Variants in LINGO2 observed in about 807,000 individuals in gnomAD.
The protein encoded by LINGO2 is leucine-rich repeat and immunoglobulin-like domain-containing nogo receptor-interacting protein 2.
A neutral mutation model predicts 30.6 loss-of-function variants in LINGO2; 14 were observed. The ratio of observed to expected loss-of-function variants is 0.46; its 90% CI spans 0.30 to 0.72. The LOEUF is 0.72. Among genes scored for constraint, LINGO2 ranks in the 30% least tolerant of loss-of-function variants. The probability of loss-of-function intolerance (pLI) is 0.07; values close to 1 mark genes in which losing one functional copy is unlikely to be tolerated. For synonymous variants in LINGO2, 317 were observed against 288.5 expected, an observed-to-expected ratio of 1.10 and a Z score of -1.00; for missense variants, 729 against 751.7, an observed-to-expected ratio of 0.97 and a Z score of 0.35.
At chr9:29,019,514 T>C in the LINGO2 span, among the ~76,000 whole-genome samples, 22,623 of 152,100 alleles carry the variant, frequency 0.15, 2,064 homozygotes, top group South Asian at 0.2. Flanking sequence ...TTACTTTCCC[T>C]TCTGGTCTCC....
the LINGO2 span, among the ~76,000 whole-genome samples, chr9:29,004,951 CTG>C: frequency 2.0e-5 from 3 of 151,940 alleles, no homozygotes; most frequent in African/African-American, 4.8e-5. Flanking sequence ...CTTTGTATGA[CTG>C]TTGTAAACAT....
At chr9:27,978,752 C>A (rs144487032) in intron 5 of LINGO2, among the ~76,000 whole-genome samples, 15 of 152,042 alleles carry the variant, frequency 9.9e-5, no homozygotes, top group African/African-American at 3.6e-4. Flanking sequence ...AATATAGAAT[C>A]CAGCACCAAG....
chr9:28,311,795 T>A (rs1331945074), intron 3 of LINGO2, among the ~76,000 whole-genome samples: 1 of 151,946 alleles, frequency 6.6e-6, no homozygotes, highest in Non-Finnish European at 1.5e-5. Flanking sequence ...GCAACATACA[T>A]CCCCCTTAGC....
At chr9:28,337,789 T>C (rs566056924) in intron 3 of LINGO2, among the ~76,000 whole-genome samples, 3 of 152,054 alleles carry the variant, frequency 2.0e-5, no homozygotes, top group African/African-American at 4.8e-5. Context: ...AGGTCAAGAA[T>C]TGAGGTTTGG....
At chr9:28,628,013 T>C (rs1826761416) in intron 1 of LINGO2, among the ~76,000 whole-genome samples, 1 of 152,062 alleles carries the variant, frequency 6.6e-6, no homozygotes, top group African/African-American at 2.4e-5. Context: ...CTGCTCTCTG[T>C]TTCTATCTCA....
chr9:28,462,183 C>T (rs1825107398), intron 2 of LINGO2, among the ~76,000 whole-genome samples: 1 of 151,894 alleles, frequency 6.6e-6, no homozygotes, highest in Non-Finnish European at 1.5e-5. Flanking sequence ...TGACTCTGTC[C>T]ATTAGGGTTA....
At chr9:28,557,631 G>C (rs1297384567) in intron 1 of LINGO2, among the ~76,000 whole-genome samples, 1 of 151,732 alleles carries the variant, frequency 6.6e-6, no homozygotes, top group African/African-American at 2.4e-5. Flanking sequence ...ATTTGACCCA[G>C]CCATCCCATT....
chr9:29,005,847 T>C, the LINGO2 span, among the ~76,000 whole-genome samples: 1 of 152,064 alleles, frequency 6.6e-6, no homozygotes, highest in Non-Finnish European at 1.5e-5. Context: ...GTAGGTGTTA[T>C]TCTGCATTGG....
At chr9:28,150,698 C>G (rs1564004371) in intron 4 of LINGO2, among the ~76,000 whole-genome samples, 3 of 152,204 alleles carry the variant, frequency 2.0e-5, no homozygotes. Context: ...TCAGATCATT[C>G]TTGTAATTTG....
chr9:29,159,571 T>C, the LINGO2 span, among the ~76,000 whole-genome samples: 1 of 152,134 alleles, frequency 6.6e-6, no homozygotes, highest in East Asian at 1.9e-4. Context: ...AAGAGTACTT[T>C]GTGGGCCAGG....
chr9:28,067,123 G>A (rs1333319448), intron 4 of LINGO2, among the ~76,000 whole-genome samples: 1 of 151,734 alleles, frequency 6.6e-6, no homozygotes, highest in Admixed American at 6.6e-5. Context: ...AAATATTCAG[G>A]GTCACATACC....
At chr9:29,204,673 T>G in the LINGO2 span, among the ~76,000 whole-genome samples, 1 of 152,224 alleles carries the variant, frequency 6.6e-6, no homozygotes, top group Non-Finnish European at 1.5e-5. Context: ...AGAAACATAC[T>G]GCATGAATAT....
intron 1 of LINGO2, among the ~76,000 whole-genome samples, chr9:28,562,380 C>T (rs555705062): frequency 1.5e-5 from 2 of 137,380 alleles, no homozygotes; most frequent in Non-Finnish European, 3.0e-5. Flanking sequence ...TCTAATCTCT[C>T]ATGTATAAAG....
At chr9:28,052,754 T>G (rs1384065952) in intron 4 of LINGO2, among the ~76,000 whole-genome samples, 1 of 152,058 alleles carries the variant, frequency 6.6e-6, no homozygotes, top group African/African-American at 2.4e-5. Flanking sequence ...AGGAATCAGA[T>G]CTAGTAAGTG....
intron 5 of LINGO2, among the ~76,000 whole-genome samples, chr9:27,998,995 T>C (rs1821808915): frequency 6.6e-6 from 1 of 152,128 alleles, no homozygotes; most frequent in Non-Finnish European, 1.5e-5. Flanking sequence ...CAGAGTTGTC[T>C]CTTACTTTTG....
the LINGO2 span, among the ~76,000 whole-genome samples, chr9:28,696,865 T>C: frequency 5.9e-5 from 9 of 152,062 alleles, no homozygotes; most frequent in South Asian, 1.5e-3. Flanking sequence ...TTAGATTTTG[T>C]CCTGTCAAAA....
the LINGO2 span, among the ~76,000 whole-genome samples, chr9:28,992,344 G>A: frequency 5.5e-4 from 84 of 152,092 alleles, no homozygotes; most frequent in South Asian, 5.6e-3. Flanking sequence ...CACCCAATAC[G>A]GGAGCACCCA....
the LINGO2 span, among the ~76,000 whole-genome samples, chr9:29,128,263 G>C: frequency 3.3e-5 from 5 of 152,136 alleles, no homozygotes; most frequent in Non-Finnish European, 5.9e-5. Context: ...CATCTCCAAA[G>C]GGGATGCCCT....
the LINGO2 span, among the ~76,000 whole-genome samples, chr9:29,073,310 T>C: frequency 6.6e-6 from 1 of 152,106 alleles, no homozygotes; most frequent in Non-Finnish European, 1.5e-5. Context: ...TCAGATAATG[T>C]ATTGCCATAC....
Sources: allele counts gnomAD v4.1 joint callset (sites outside exome capture counted in the v4.1 genomes callset), GRCh38; gene constraint gnomAD v4.1.1; transcripts MANE v1.5; gene names NCBI Gene and HGNC (gene_info 2026-07-23, HGNC 2026-07-21).